Variants in GPX6 observed in about 807,000 individuals in gnomAD.
GPX6 encodes glutathione peroxidase 6.
GPX6 carries 21 observed loss-of-function variants against 20.0 expected under a neutral mutation model. That is an observed-to-expected ratio of 1.05 (90% CI 0.74 to 1.51). The LOEUF (loss-of-function observed/expected upper bound fraction) is 1.51, where lower values mean the gene tolerates loss of function less well. GPX6 is among the 40% of genes most tolerant of loss of function. GPX6 has a pLI of 0.00. For synonymous variants in GPX6, 75 were observed against 98.0 expected (o/e 0.77, Z 1.38); for missense variants, 233 against 254.7 (o/e 0.91, Z 0.58).
Position 28,513,233 on chromosome 6 carries a change from T to C in GPX6, c.88-2329A>G, listed in dbSNP as rs34518109. Reference sequence around the variant, plus strand: ...GTAAACCAAGGCAAGATCCCTGGGATACAGAAAGTCCTCTGTCTTTGTGAT... The same window carrying C: ...GTAAACCAAGGCAAGATCCCTGGGACACAGAAAGTCCTCTGTCTTTGTGAT... On this transcript the variant is annotated intron_variant, in intron 1 of 4. Transcript: ENST00000361902. Among the ~76,000 whole-genome samples, 782 of 152,050 alleles carry C rather than the reference T, an allele frequency of 5.1e-3. 5 individuals carry two copies. Among genetic ancestry groups the C allele is most frequent in the Middle Eastern group, 0.017 (5 of 294 alleles).
At chr6:28,513,862 C>T (rs888456793) in intron 1 of GPX6, among the ~76,000 whole-genome samples, 1 of 152,218 alleles carries the variant, frequency 6.6e-6, no homozygotes, top group Non-Finnish European at 1.5e-5. Context: ...AACTCTTTAT[C>T]ATCTTCTGAG....
chr6:28,506,706 AACACACACAC>A (rs56155284), intron 2 of GPX6, among the ~76,000 whole-genome samples: 1 of 145,098 alleles, frequency 6.9e-6, no homozygotes, highest in Non-Finnish European at 1.5e-5. Context: ...TTTTTTTTTA[AACACACACAC>A]ACACACACAC....
chr6:28,512,017 C>G (rs1762887507), intron 1 of GPX6, among the ~76,000 whole-genome samples: 1 of 152,242 alleles, frequency 6.6e-6, no homozygotes. Flanking sequence ...GCCTTAGCTG[C>G]CACCCCGCGG....
Position 28,515,749 on chromosome 6 carries a change from G to A in GPX6, c.-6C>T. 2 of 1,612,934 alleles carry A rather than the reference G, an allele frequency of 1.2e-6. No individual in the cohort carries two copies. The highest frequency in any genetic ancestry group is 1.7e-6 in the Non-Finnish European group (2 of 1,179,014). Reference sequence around the variant, plus strand: ...GCCTGGAACTGCTGGAACATGGCTAGGAGTTTTAGACGACTCTGAGGTCCC... The same window carrying A: ...GCCTGGAACTGCTGGAACATGGCTAAGAGTTTTAGACGACTCTGAGGTCCC... On this transcript the variant is annotated 5_prime_UTR_variant, in exon 1 of 5. Transcript: ENST00000361902.
At chr6:28,511,499 G>A (rs2113603430) in intron 1 of GPX6, among the ~76,000 whole-genome samples, 1 of 152,358 alleles carries the variant, frequency 6.6e-6, no homozygotes, top group Admixed American at 6.5e-5. Context: ...GGACCTACAT[G>A]AGGACAGGCA....
intron 1 of GPX6, among the ~76,000 whole-genome samples, chr6:28,514,159 G>A (rs1223401158): frequency 6.6e-6 from 1 of 152,150 alleles, no homozygotes; most frequent in Non-Finnish European, 1.5e-5. Context: ...ATCACCATGT[G>A]AGCTGTCATT....
At chr6:28,506,499 G>T in intron 2 of GPX6, 70 bp from the exon 3 acceptor site, 1 of 832,038 alleles carries the variant, frequency 1.2e-6, no homozygotes, top group Non-Finnish European at 2.1e-6. Flanking sequence ...AAAGATCACT[G>T]AATGTATCCA....
At chr6:28,513,549 ACTT>A (rs1221183545) in intron 1 of GPX6, among the ~76,000 whole-genome samples, 3 of 152,076 alleles carry the variant, frequency 2.0e-5, no homozygotes, top group Non-Finnish European at 2.9e-5. Context: ...CTTGGCACCC[ACTT>A]CTTTATATTG....
At chr6:28,508,603 C>T (rs1037541973) in intron 2 of GPX6, among the ~76,000 whole-genome samples, 5 of 151,116 alleles carry the variant, frequency 3.3e-5, no homozygotes, top group Non-Finnish European at 7.4e-5. Flanking sequence ...GCCAGGAGTT[C>T]GAGAGCAGCC....
At chr6:28,513,971 A>G (rs899475786) in intron 1 of GPX6, among the ~76,000 whole-genome samples, 7 of 152,236 alleles carry the variant, frequency 4.6e-5, no homozygotes, top group African/African-American at 1.4e-4. Flanking sequence ...ATATTTCTGT[A>G]CACATCTGTG....
chr6:28,505,924 A>G, intron 3 of GPX6, 122 bp from the exon 4 acceptor site: 2 of 707,134 alleles, frequency 2.8e-6, no homozygotes, highest in South Asian at 3.4e-5. Flanking sequence ...GTGCACAGGG[A>G]AGATAAGAAA....
chr6:28,515,662 T>C lies in GPX6; in HGVS notation c.82A>G (p.Arg28Gly). The C allele has an allele frequency of 6.2e-7, 1 of 1,613,634 alleles. No homozygotes were observed. Among genetic ancestry groups the C allele is most frequent in the South Asian group, 1.1e-5 (1 of 91,056 alleles). The change falls in exon 1 of 5, where the codon AGG becomes GGG. Residue 28 changes from arginine (R) to glycine (G), a missense_variant. Transcript: ENST00000361902. ...FAQQTLKPQN[R>G]KVDCNKGVTG... ...ATCCCCTGCCCCATGCTCACCTTCCTATTTTGAGGCTTTAGGGTCTGCTGA... is the reference window on the plus strand; with the variant it reads ...ATCCCCTGCCCCATGCTCACCTTCCCATTTTGAGGCTTTAGGGTCTGCTGA...
chr6:28,512,313 G>A (rs1301530586), intron 1 of GPX6, among the ~76,000 whole-genome samples: 1 of 152,228 alleles, frequency 6.6e-6, no homozygotes, highest in Non-Finnish European at 1.5e-5. Context: ...TACACCAATC[G>A]GCACTCTGTA....
intron 2 of GPX6, among the ~76,000 whole-genome samples, chr6:28,508,013 C>A (rs992339042): frequency 6.6e-6 from 1 of 152,208 alleles, no homozygotes; most frequent in Non-Finnish European, 1.5e-5. Context: ...CTTGTATATG[C>A]ATAACAGATT....
rs34825130 is a variant in GPX6, at chr6:28,510,835, A to G, written c.157T>C (p.Tyr53His). 7,061 of 1,613,210 alleles carry G rather than the reference A, an allele frequency of 4.4e-3. 148 individuals carry two copies. The African/African-American group carries it at 0.055, about 13-fold the overall frequency. Residue 53 changes from tyrosine (Y) to histidine (H), a missense_variant, in exon 2 of 5, where the codon TAC becomes CAC. Coordinates refer to ENST00000361902, the MANE Select transcript of GPX6 (RefSeq NM_182701.1). ...CCTGCAAACTGCTTGAATTGGATGT[A>G]CTCCTCGCCGTTGAGGGTGAGGGCT... ...YGALTLNGEEYIQFKQFAGKH... is the reference protein window; with the variant it reads ...YGALTLNGEEHIQFKQFAGKH...
chr6:28,510,772 C>T lies in GPX6; in HGVS notation c.220G>A (p.Gly74Ser). Residue 74 changes from glycine to serine, a missense_variant, in exon 2 of 5, where the codon GGC becomes AGC. Coordinates refer to ENST00000361902, the MANE Select transcript of GPX6 (RefSeq NM_182701.1). ...TTACCAGGATACTGAGCTGCCAAGC[C>T]TCAATAGGCGGCCACATTGACAAAC... ...VLFVNVAAYU[G>S]LAAQYPELNA... 1.9e-6 allele frequency: 3 copies of T among 1,613,868 alleles called. No individual in the cohort carries two copies. Among genetic ancestry groups the T allele is most frequent in the South Asian group, 1.1e-5 (1 of 91,054 alleles).
At chr6:28,507,998 G>A (rs1227929826) in intron 2 of GPX6, among the ~76,000 whole-genome samples, 1 of 152,096 alleles carries the variant, frequency 6.6e-6, no homozygotes, top group Non-Finnish European at 1.5e-5. Context: ...AGAGAGAAAT[G>A]TTTGCTTGTA....
At chr6:28,512,851 C>T (rs903942681) in intron 1 of GPX6, among the ~76,000 whole-genome samples, 4 of 151,958 alleles carry the variant, frequency 2.6e-5, no homozygotes, top group Admixed American at 2.0e-4. Flanking sequence ...ACACTGACCG[C>T]GAGGCTTTGC....
chr6:28,514,254 C>T (rs1364438118), intron 1 of GPX6, among the ~76,000 whole-genome samples: 6 of 152,218 alleles, frequency 3.9e-5, no homozygotes, highest in Admixed American at 3.3e-4. Context: ...GAGGATGTCA[C>T]TCTGTGAAAT....
Sources: allele counts gnomAD v4.1 joint callset (sites outside exome capture counted in the v4.1 genomes callset), GRCh38; gene constraint gnomAD v4.1.1; transcripts MANE v1.5; gene names NCBI Gene and HGNC (gene_info 2026-07-23, HGNC 2026-07-21).